The following ARHGEF37 variants were observed in gnomAD, a reference collection of about 807,000 sequenced individuals.
ARHGEF37 encodes the protein Rho guanine nucleotide exchange factor (GEF) 37.
A neutral mutation model predicts 71.1 loss-of-function variants in ARHGEF37; 55 were observed. That is an observed-to-expected ratio of 0.77 (90% CI 0.62 to 0.97). The LOEUF is 0.97. Among genes scored for constraint, ARHGEF37 ranks in the 50% least tolerant of loss-of-function variants. The pLI is 0.00. For missense variants in ARHGEF37, 765 were observed against 836.8 expected, an observed-to-expected ratio of 0.91 and a Z score of 1.06; for synonymous variants, 327 against 350.6, an observed-to-expected ratio of 0.93 and a Z score of 0.75.
intron 1 of ARHGEF37, among the ~76,000 whole-genome samples, chr5:149,553,435 A>T (rs1455023903): frequency 1.4e-5 from 2 of 140,402 alleles, no homozygotes; most frequent in Non-Finnish European, 3.1e-5. Flanking sequence ...TTCTGGTCTT[A>T]AAAAAAAAAA....
intron 1 of ARHGEF37, among the ~76,000 whole-genome samples, chr5:149,558,823 C>T (rs1015588605): frequency 1.3e-5 from 2 of 150,424 alleles, no homozygotes; most frequent in African/African-American, 4.9e-5. Context: ...TCAGATAAAT[C>T]GGAAAAAAAC....
rs912855936 is a variant in ARHGEF37 at position 149,589,029 on chromosome 5, A to G, written c.-12+7405A>G. Reference sequence around the variant, plus strand: ...AGGATCACTTGAGGCCAGGAGTTAGAGACCAGCCTCGGAAACAAGTGAGAC... The same window carrying G: ...AGGATCACTTGAGGCCAGGAGTTAGGGACCAGCCTCGGAAACAAGTGAGAC... On this transcript the variant is annotated intron_variant, in intron 1 of 12. Transcript: ENST00000333677. Among the ~76,000 whole-genome samples the G allele has an allele frequency of 1.2e-4, 19 of 152,026 alleles. 1 individual carries two copies. Among genetic ancestry groups the G allele is most frequent in the Admixed American group, 5.2e-4 (8 of 15,256 alleles).
At chr5:149,572,704 T>C (rs1049096559) in intron 1 of ARHGEF37, among the ~76,000 whole-genome samples, 1 of 152,208 alleles carries the variant, frequency 6.6e-6, no homozygotes, top group Non-Finnish European at 1.5e-5. Flanking sequence ...CCCTCCATAA[T>C]GTGGGTAGGC....
At chr5:149,594,908 T>C (rs1361818894) in intron 1 of ARHGEF37, among the ~76,000 whole-genome samples, 2 of 152,200 alleles carry the variant, frequency 1.3e-5, no homozygotes, top group African/African-American at 4.8e-5. Flanking sequence ...ACTATAACTA[T>C]TGATACCCAC....
chr5:149,585,515 T>C (rs1048824337), intron 1 of ARHGEF37, among the ~76,000 whole-genome samples: 6 of 151,332 alleles, frequency 4.0e-5, no homozygotes, highest in African/African-American at 1.4e-4. Flanking sequence ...GTGCATACTG[T>C]ATTATTTATT....
chr5:149,618,198 G>A lies in ARHGEF37; in HGVS notation c.681G>A (p.Glu227=). ...CAGCCTCCAAGTACACCAAGGTAGA[G>A]CAGCTGACCCTCCGGGAGCGGCTGG... ...KEVASKYTKV[E]QLTLRERLAR... Residue 227 remains glutamate (E), a synonymous_variant, in exon 6 of 13, where the codon GAG becomes GAA. Transcript: ENST00000333677. 2 of 1,614,220 alleles carry A rather than the reference G, an allele frequency of 1.2e-6. No individual in the cohort carries two copies. The highest frequency in any genetic ancestry group is 2.2e-5 in the South Asian group (2 of 91,090).
chr5:149,609,817 T>C lies in ARHGEF37; in HGVS notation c.458+122T>C. On this transcript the variant is annotated intron_variant, in intron 4 of 12. Coordinates refer to ENST00000333677, the MANE Select transcript of ARHGEF37 (RefSeq NM_001001669.3). ...TCACGAGTGTTGCTCTGTCAGAGCC[T>C]GTGTTAGTCAGGATAGGGCAGGCTG... The C allele has an allele frequency of 2.9e-6, 4 of 1,377,100 alleles. 1 individual carries two copies. The Admixed American group carries it at 8.1e-5, about 28-fold the overall frequency. 85.3% of individuals were successfully genotyped at this position (1,377,100 alleles called of 1,614,324 possible).
intron 1 of ARHGEF37, chr5:149,552,133 T>C (rs1306746198): frequency 6.8e-6 from 1 of 146,958 alleles, no homozygotes; most frequent in Non-Finnish European, 1.5e-5. Context: ...GGTATGTTGC[T>C]CATAATGAAG....
At chr5:149,631,861 C>T (rs566921098) in intron 12 of ARHGEF37, 121 bp from the exon 13 acceptor site, 36 of 932,688 alleles carry the variant, frequency 3.9e-5, no homozygotes, top group African/African-American at 3.5e-4. Context: ...TGGGAGGTGA[C>T]GAGCATCCAG....
At position 149,621,726 on chromosome 5, in the gene ARHGEF37, C is replaced by T. The variant is rs1308137893; in HGVS notation, c.1006-7C>T. 3 of 1,606,546 alleles carry T rather than the reference C, an allele frequency of 1.9e-6. No individual in the cohort carries two copies. Among genetic ancestry groups the T allele is most frequent in the East Asian group, 2.2e-5 (1 of 44,790 alleles). On this transcript the variant is annotated splice_region_variant and splice_polypyrimidine_tract_variant and intron_variant, in intron 8 of 12. Transcript: ENST00000333677. ...TTCCCGACTCCCACGCTCATGTCTC[C>T]CCACAGAAGCAACGGCTAGAAGGCC...
chr5:149,572,568 A>G (rs77453953), intron 1 of ARHGEF37, among the ~76,000 whole-genome samples: 24,475 of 152,204 alleles, frequency 0.16, 2,031 homozygotes, highest in African/African-American at 0.18. Flanking sequence ...TGTGAGGGTT[A>G]ACGTATCAAC....
intron 1 of ARHGEF37, among the ~76,000 whole-genome samples, chr5:149,553,360 A>G (rs1762710802): frequency 6.6e-6 from 1 of 152,164 alleles, no homozygotes; most frequent in African/African-American, 2.4e-5. Context: ...AGATCGTGCC[A>G]CTGCACTCCA....
intron 1 of ARHGEF37, among the ~76,000 whole-genome samples, chr5:149,592,247 G>C (rs1763428287): frequency 6.6e-6 from 1 of 152,118 alleles, no homozygotes; most frequent in South Asian, 2.1e-4. Context: ...TTCTGTTGTA[G>C]ACAATAACAC....
intron 1 of ARHGEF37, among the ~76,000 whole-genome samples, chr5:149,557,444 C>T (rs760579190): frequency 3.3e-5 from 5 of 152,098 alleles, no homozygotes; most frequent in Non-Finnish European, 7.3e-5. Flanking sequence ...GGCTTAGTTT[C>T]CAAGATGGAG....
chr5:149,562,531 C>T (rs1762846402), intron 1 of ARHGEF37, among the ~76,000 whole-genome samples: 1 of 152,188 alleles, frequency 6.6e-6, no homozygotes, highest in Non-Finnish European at 1.5e-5. Context: ...TCACTGCAAG[C>T]TCCCGGGTTC....
At chr5:149,551,855 T>A (rs188414609), upstream of ARHGEF37, 2 of 152,374 alleles carry the variant, frequency 1.3e-5, no homozygotes, top group East Asian at 3.9e-4. Context: ...ACCGGCCTAT[T>A]CCAACCCAGT....
chr5:149,628,615 A>G (rs1008026897), intron 11 of ARHGEF37, among the ~76,000 whole-genome samples, 194 bp from the exon 12 acceptor site: 2 of 152,182 alleles, frequency 1.3e-5, no homozygotes, highest in African/African-American at 2.4e-5. Context: ...TGAGCCCCCC[A>G]TCACTGGGGT....
chr5:149,568,920 G>T (rs1762930612), intron 1 of ARHGEF37, among the ~76,000 whole-genome samples: 1 of 144,060 alleles, frequency 6.9e-6, no homozygotes, highest in Non-Finnish European at 1.5e-5. Context: ...CAACTGTTCT[G>T]ATTTTTTTTT....
chr5:149,581,368 G>C (rs1031392381), upstream of ARHGEF37: 2 of 152,224 alleles, frequency 1.3e-5, no homozygotes, highest in Non-Finnish European at 2.9e-5. Flanking sequence ...GGCTGACTCC[G>C]GGAGCAGCGA....
Sources: gnomAD v4.1 joint callset for allele counts (sites outside exome capture counted in the v4.1 genomes callset) on GRCh38, gnomAD v4.1.1 for gene constraint, MANE v1.5 for transcripts, NCBI Gene and HGNC (gene_info 2026-07-23, HGNC 2026-07-21) for gene names.